GPHN: variants seen among roughly 807,000 people sequenced by gnomAD.
GPHN encodes gephyrin.
In GPHN, 17 loss-of-function variants were observed where a neutral mutation model predicts 95.5. The observed-to-expected ratio is 0.18, with a 90% CI of 0.12 to 0.27. The LOEUF (loss-of-function observed/expected upper bound fraction) is 0.27, where lower values mean the gene tolerates loss of function less well. Ranked by LOEUF, GPHN falls within the 10% of genes least tolerant of loss-of-function variation. The pLI, the probability that GPHN is intolerant of heterozygous loss-of-function variation, is 1.00. For synonymous variants in GPHN, 320 were observed against 322.5 expected (o/e 0.99, Z 0.08); for missense variants, 660 against 978.1 (o/e 0.67, Z 4.34).
intron 9 of GPHN, among the ~76,000 whole-genome samples, chr14:67,000,129 A>G (rs2072114822): frequency 6.6e-6 from 1 of 151,860 alleles, no homozygotes. Context: ...TTAAAGTTGT[A>G]ACATGCAAAA....
the GPHN span, chr14:67,578,459 C>A: frequency 9.2e-7 from 1 of 1,085,122 alleles, no homozygotes; most frequent in South Asian, 1.3e-5. The surrounding 1 kb of genome is among the most constrained non-coding windows in gnomAD (Gnocchi z 5.0). Flanking sequence ...GCTGAAGGCT[C>A]TGTAGCTCAG....
chr14:67,395,339 TC>T, the GPHN span: 3 of 1,454,426 alleles, frequency 2.1e-6, no homozygotes, highest in Admixed American at 3.5e-5. Context: ...AGGGGCAGGG[TC>T]CCCTGCCCAC....
At chr14:66,790,840 G>A (rs753731382) in intron 3 of GPHN, among the ~76,000 whole-genome samples, 2 of 152,204 alleles carry the variant, frequency 1.3e-5, no homozygotes, top group Non-Finnish European at 2.9e-5. Flanking sequence ...CATCAGCTCT[G>A]AAGTTTCCCC....
chr14:66,922,685 T>C lies in GPHN; in HGVS notation c.476T>C (p.Leu159Pro). ...ATACAGGAATGCTTTCAATTCATACTGCCAGCTCTACCTCATGCCATTGAC... is the reference window on the plus strand; with the variant it reads ...ATACAGGAATGCTTTCAATTCATACCGCCAGCTCTACCTCATGCCATTGAC... ...KGSQECFQFI[L>P]PALPHAIDLL... The change falls in exon 7 of 23, where the codon CTG becomes CCG. Residue 159 changes from leucine to proline, a missense_variant. Physicochemically the swap from Leu to Pro is moderately conservative, Grantham distance 98. Coordinates refer to ENST00000478722, the MANE Select transcript of GPHN (RefSeq NM_020806.5). The C allele has an allele frequency of 6.2e-7, 1 of 1,613,168 alleles. No homozygotes were observed. Among genetic ancestry groups the C allele is most frequent in the Non-Finnish European group, 8.5e-7 (1 of 1,179,230 alleles).
At chr14:66,974,178 T>G (rs2070034978) in intron 9 of GPHN, among the ~76,000 whole-genome samples, 2 of 152,206 alleles carry the variant, frequency 1.3e-5, no homozygotes, top group South Asian at 4.1e-4. Flanking sequence ...CTTTACACCC[T>G]TTTCTAATGA....
At chr14:66,511,690 TA>T (rs1195088995) in intron 1 of GPHN, among the ~76,000 whole-genome samples, 1 of 152,104 alleles carries the variant, frequency 6.6e-6, no homozygotes, top group Admixed American at 6.5e-5. Flanking sequence ...GACTTCTCAT[TA>T]AATAAATTAA....
chr14:67,443,746 G>A, the GPHN span, among the ~76,000 whole-genome samples: 7 of 152,092 alleles, frequency 4.6e-5, no homozygotes, highest in African/African-American at 1.7e-4. Context: ...TCCAGCCTGG[G>A]CAACATAGTG....
the GPHN span, among the ~76,000 whole-genome samples, chr14:67,699,531 A>C: frequency 6.8e-6 from 1 of 146,320 alleles, no homozygotes; most frequent in Non-Finnish European, 1.5e-5. Flanking sequence ...TTGAGGCTGC[A>C]GTGAGCTGTG....
the GPHN span, among the ~76,000 whole-genome samples, chr14:67,583,512 G>C: frequency 6.6e-6 from 1 of 152,170 alleles, no homozygotes; most frequent in African/African-American, 2.4e-5. Flanking sequence ...CTTCACCTCA[G>C]CTGCAAAATC....
intron 1 of GPHN, among the ~76,000 whole-genome samples, chr14:66,614,901 A>T (rs2062939225): frequency 6.6e-6 from 1 of 151,888 alleles, no homozygotes; most frequent in South Asian, 2.1e-4. Flanking sequence ...GGTGTTTGTT[A>T]TTCTCCTCTC....
chr14:67,508,015 C>G, the GPHN span, among the ~76,000 whole-genome samples: 1 of 151,738 alleles, frequency 6.6e-6, no homozygotes, highest in East Asian at 1.9e-4. Flanking sequence ...GCGCATGCCT[C>G]TAATCCCAGC....
At chr14:67,289,027 C>T in the GPHN span, among the ~76,000 whole-genome samples, 27 of 139,050 alleles carry the variant, frequency 1.9e-4, no homozygotes, top group African/African-American at 6.2e-4. Flanking sequence ...AGTGCAGTGG[C>T]GTGATACTGG....
chr14:66,762,137 TAAAA>T (rs3033908), intron 2 of GPHN, among the ~76,000 whole-genome samples: 1 of 145,702 alleles, frequency 6.9e-6, no homozygotes, highest in Non-Finnish European at 1.5e-5. Flanking sequence ...TTTGAAAGGT[TAAAA>T]AAAAAAAAGA....
intron 3 of GPHN, among the ~76,000 whole-genome samples, chr14:66,778,690 A>G (rs117266729): frequency 0.011 from 1,719 of 149,984 alleles, 18 homozygotes; most frequent in Non-Finnish European, 0.018. Context: ...TCAATTCAAA[A>G]TAATTATTTA....
At chr14:67,690,500 T>C in the GPHN span, 1 of 1,135,094 alleles carries the variant, frequency 8.8e-7, no homozygotes, top group Non-Finnish European at 1.3e-6. Context: ...GCCTCACCTA[T>C]GGGAGGCAGA....
chr14:66,953,896 A>G (rs1006734697), intron 8 of GPHN, among the ~76,000 whole-genome samples: 15 of 152,148 alleles, frequency 9.9e-5, no homozygotes, highest in Admixed American at 9.8e-4. Flanking sequence ...TTAGCTGGGC[A>G]TAGTGGTGGG....
At chr14:66,917,553 A>T (rs1157390927) in intron 6 of GPHN, among the ~76,000 whole-genome samples, 1 of 152,158 alleles carries the variant, frequency 6.6e-6, no homozygotes, top group Non-Finnish European at 1.5e-5. Flanking sequence ...CACCTTTTAA[A>T]GAGTTGTAAG....
chr14:67,706,970 T>C, the GPHN span, among the ~76,000 whole-genome samples: 1 of 152,120 alleles, frequency 6.6e-6, no homozygotes, highest in Non-Finnish European at 1.5e-5. Context: ...CAAACAACAA[T>C]AAACAAAAGA....
chr14:66,735,125 GA>G (rs1416277865), intron 2 of GPHN, among the ~76,000 whole-genome samples: 3 of 152,082 alleles, frequency 2.0e-5, no homozygotes, highest in Non-Finnish European at 4.4e-5. Context: ...CCATAATTAA[GA>G]CCCACACCTC....
Sources: allele counts gnomAD v4.1 joint callset (sites outside exome capture counted in the v4.1 genomes callset), GRCh38; gene constraint gnomAD v4.1.1; non-coding constraint Gnocchi (gnomAD v3.1); transcripts MANE v1.5; gene names NCBI Gene and HGNC (gene_info 2026-07-23, HGNC 2026-07-21).